Variants in ZBTB16 observed in about 807,000 individuals in gnomAD.
ZBTB16 encodes zinc finger and BTB domain containing 16, also known as zinc finger and BTB domain-containing protein 16.
In ZBTB16, 8 loss-of-function variants were observed where a neutral mutation model predicts 56.8. The observed-to-expected ratio is 0.14, with a 90% confidence interval of 0.08 to 0.25. The LOEUF is 0.25. Ranked by LOEUF, ZBTB16 falls within the 10% of genes least tolerant of loss-of-function variation. The probability of loss-of-function intolerance (pLI) is 1.00; values close to 1 mark genes in which losing one functional copy is unlikely to be tolerated. For synonymous variants in ZBTB16, 363 were observed against 368.5 expected (o/e 0.98, Z 0.17); for missense variants, 625 against 903.0 (o/e 0.69, Z 3.95).
At chr11:114,234,646 T>C (rs120744) in intron 4 of ZBTB16, among the ~76,000 whole-genome samples, 105,585 of 152,098 alleles carry the variant, frequency 0.69, 38,450 homozygotes, top group South Asian at 0.81. Context: ...AGGAGGTGAG[T>C]CCTAAATGAT....
intron 2 of ZBTB16, among the ~76,000 whole-genome samples, chr11:114,116,445 C>A (rs1941177946): frequency 6.6e-6 from 1 of 152,148 alleles, no homozygotes; most frequent in Non-Finnish European, 1.5e-5. Context: ...CCTTCTGTAA[C>A]CCTCAGCTCA....
chr11:114,191,831 AC>A (rs1248245580), intron 4 of ZBTB16, among the ~76,000 whole-genome samples: 1 of 152,170 alleles, frequency 6.6e-6, no homozygotes, highest in East Asian at 1.9e-4. Context: ...ATACATATAC[AC>A]ACACAGATGT....
intron 6 of ZBTB16, among the ~76,000 whole-genome samples, chr11:114,249,860 C>T (rs1944888325): frequency 6.6e-6 from 1 of 151,646 alleles, no homozygotes. Context: ...AATTTCCCCC[C>T]ACCCCTGCTC....
chr11:114,225,518 G>T (rs945281832), intron 4 of ZBTB16, among the ~76,000 whole-genome samples: 10 of 152,170 alleles, frequency 6.6e-5, no homozygotes, highest in African/African-American at 2.2e-4. Flanking sequence ...ACCACTCCAT[G>T]GTGGAAGGCG....
chr11:114,242,386 T>G, intron 5 of ZBTB16, 49 bp downstream of exon 5: 1 of 1,604,464 alleles, frequency 6.2e-7, no homozygotes, highest in Non-Finnish European at 8.5e-7. Flanking sequence ...GGAGCCAGCG[T>G]CTATATTTAC....
Position 114,252,037 on chromosome 11 carries a change from C to A in ZBTB16, c.*1482C>A, listed in dbSNP as rs1317173510. ...CCCTCCCCGTGCCCCTGGAGACCAG[C>A]CTCCCAGCTGGCAGGAACTGTGCAG... On this transcript the variant is annotated 3_prime_UTR_variant, in exon 7 of 7. Transcript: ENST00000335953. Among the ~76,000 whole-genome samples, 1 of 152,104 alleles carries A rather than the reference C, an allele frequency of 6.6e-6. No individual in the cohort carries two copies. The highest frequency in any genetic ancestry group is 1.5e-5 in the Non-Finnish European group (1 of 68,020).
chr11:114,203,712 G>A (rs1365210234), intron 4 of ZBTB16, among the ~76,000 whole-genome samples: 2 of 152,080 alleles, frequency 1.3e-5, no homozygotes, highest in Non-Finnish European at 2.9e-5. Flanking sequence ...CTATACCTGC[G>A]GCATCACAGG....
intron 3 of ZBTB16, among the ~76,000 whole-genome samples, chr11:114,169,353 C>T (rs940077850): frequency 6.6e-6 from 1 of 152,190 alleles, no homozygotes. Flanking sequence ...GACCACTTGA[C>T]ATGAGGCTGG....
At chr11:114,157,926 C>T (rs1420722898) in intron 3 of ZBTB16, among the ~76,000 whole-genome samples, 1 of 152,128 alleles carries the variant, frequency 6.6e-6, no homozygotes, top group African/African-American at 2.4e-5. Flanking sequence ...CCTCCTCCTG[C>T]CCATGTGTCT....
At chr11:114,117,926 A>G (rs1019510717) in intron 2 of ZBTB16, among the ~76,000 whole-genome samples, 1 of 152,110 alleles carries the variant, frequency 6.6e-6, no homozygotes, top group East Asian at 1.9e-4. Flanking sequence ...GAGAGCAGAG[A>G]TAGATATTTT....
intron 2 of ZBTB16, among the ~76,000 whole-genome samples, chr11:114,094,655 G>A (rs745912465): frequency 6.6e-6 from 1 of 152,204 alleles, no homozygotes; most frequent in Non-Finnish European, 1.5e-5. Flanking sequence ...CAGTGCTTTC[G>A]TGTGAATTAG....
chr11:114,139,067 A>G (rs1375269051), intron 2 of ZBTB16, among the ~76,000 whole-genome samples: 3 of 152,218 alleles, frequency 2.0e-5, no homozygotes, highest in Admixed American at 6.5e-5. Context: ...TTCTAAAAAA[A>G]GAGGTAAGAG....
intron 4 of ZBTB16, 102 bp downstream of exon 4, chr11:114,187,140 C>A: frequency 8.9e-7 from 1 of 1,120,526 alleles, no homozygotes; most frequent in Non-Finnish European, 1.3e-6. Context: ...AATGTGACAT[C>A]CAGTAATTTC....
chr11:114,171,401 G>A (rs546629590), intron 3 of ZBTB16, among the ~76,000 whole-genome samples: 5 of 152,334 alleles, frequency 3.3e-5, no homozygotes, highest in Admixed American at 1.3e-4. Context: ...CTAGGAGCCG[G>A]CTCAGTGGGC....
intron 4 of ZBTB16, among the ~76,000 whole-genome samples, chr11:114,235,994 C>T (rs630998): frequency 0.77 from 116,660 of 151,592 alleles, 46,067 homozygotes; most frequent in Non-Finnish European, 0.86. Context: ...CCTTGAGTCT[C>T]GATAGCATCA....
At chr11:114,207,253 A>G (rs1276858097) in intron 4 of ZBTB16, among the ~76,000 whole-genome samples, 2 of 152,118 alleles carry the variant, frequency 1.3e-5, no homozygotes, top group Non-Finnish European at 2.9e-5. Context: ...TTATGAAAAA[A>G]ATGTATTAAT....
At position 114,254,191 on chromosome 11, in the gene ZBTB16, A is replaced by G. The variant is rs1258474434; in HGVS notation, c.*3636A>G. On this transcript the variant is annotated 3_prime_UTR_variant, in exon 7 of 7. Transcript: ENST00000335953. ...AATATATAGATATATAGATATATAT[A>G]TATATAGCAAGAGATTGATATAAAA... Among the ~76,000 whole-genome samples the G allele has an allele frequency of 6.6e-6, 1 of 151,890 alleles. No individual in the cohort carries two copies. The highest frequency in any genetic ancestry group is 1.5e-5 in the Non-Finnish European group (1 of 67,990).
At chr11:114,228,264 T>C (rs148883980) in intron 4 of ZBTB16, among the ~76,000 whole-genome samples, 2 of 152,352 alleles carry the variant, frequency 1.3e-5, no homozygotes, top group African/African-American at 4.8e-5. Flanking sequence ...AGGCTGTAAT[T>C]GAATAACTAC....
chr11:114,200,127 C>CAA (rs796851438), intron 4 of ZBTB16, among the ~76,000 whole-genome samples: 22,949 of 104,598 alleles, frequency 0.22, 2,432 homozygotes, highest in Middle Eastern at 0.42. Context: ...GACTCCGTCT[C>CAA]AAAAAAAAAA....
Sources: gnomAD v4.1 joint callset for allele counts (sites outside exome capture counted in the v4.1 genomes callset) on GRCh38, gnomAD v4.1.1 for gene constraint, MANE v1.5 for transcripts, NCBI Gene and HGNC (gene_info 2026-07-23, HGNC 2026-07-21) for gene names.